The following GPM6A variants were observed in gnomAD, a reference collection of about 807,000 sequenced individuals.
GPM6A encodes the protein neuronal membrane glycoprotein M6-a.
Under a neutral mutation model 32.1 loss-of-function variants are expected in GPM6A, and 7 were observed. The observed-to-expected ratio is 0.22, with a 90% confidence interval of 0.12 to 0.41. The LOEUF (loss-of-function observed/expected upper bound fraction) is 0.41, where lower values mean the gene tolerates loss of function less well. Among genes scored for constraint, GPM6A ranks in the 10% least tolerant of loss-of-function variants. The pLI, the probability that GPM6A is intolerant of heterozygous loss-of-function variation, is 1.00. For missense variants in GPM6A, 235 were observed against 347.2 expected (o/e 0.68, Z 2.57); for synonymous variants, 130 against 123.4 (o/e 1.05, Z -0.35).
At chr4:175,937,605 A>G (rs559186687) in intron 1 of GPM6A, among the ~76,000 whole-genome samples, 16 of 152,280 alleles carry the variant, frequency 1.1e-4, no homozygotes, top group African/African-American at 3.8e-4. Context: ...GAAACCTTAA[A>G]GTATCCAGCA....
chr4:175,842,404 G>A (rs1735967087), intron 1 of GPM6A, among the ~76,000 whole-genome samples: 1 of 152,106 alleles, frequency 6.6e-6, no homozygotes, highest in African/African-American at 2.4e-5. Context: ...TGAGGTATTT[G>A]ATGCTCACAC....
intron 1 of GPM6A, among the ~76,000 whole-genome samples, chr4:175,719,119 T>TA (rs1324272723): frequency 1.3e-5 from 2 of 152,072 alleles, no homozygotes; most frequent in East Asian, 1.9e-4. Context: ...ATTCCAAATT[T>TA]AAAAAAACAT....
intron 1 of GPM6A, chr4:175,787,638 T>C (rs913021913): frequency 7.9e-7 from 1 of 1,272,442 alleles, no homozygotes; most frequent in Non-Finnish European, 1.0e-6. Context: ...ATTGCTTTAC[T>C]GACATAACTC....
chr4:175,924,354 T>C (rs529193834), intron 1 of GPM6A, among the ~76,000 whole-genome samples: 2 of 152,334 alleles, frequency 1.3e-5, no homozygotes, highest in Admixed American at 1.3e-4. Flanking sequence ...AATGCTTTGA[T>C]GCTCCTGCCA....
At chr4:175,671,247 A>G (rs1743045393) in intron 3 of GPM6A, among the ~76,000 whole-genome samples, 1 of 151,916 alleles carries the variant, frequency 6.6e-6, no homozygotes, top group African/African-American at 2.4e-5. Context: ...AGAAACAGGG[A>G]TAGAATAACA....
intron 1 of GPM6A, among the ~76,000 whole-genome samples, chr4:175,946,155 A>T (rs1224827714): frequency 1.3e-5 from 2 of 152,202 alleles, no homozygotes; most frequent in African/African-American, 4.8e-5. Flanking sequence ...TATAAAAATT[A>T]AAAAAATTAA....
chr4:175,950,397 A>G (rs1378100264), intron 1 of GPM6A, among the ~76,000 whole-genome samples: 1 of 152,222 alleles, frequency 6.6e-6, no homozygotes, highest in African/African-American at 2.4e-5. Flanking sequence ...AGCACATAAT[A>G]TGTTCTATAC....
chr4:175,867,948 A>T (rs1560971672), intron 1 of GPM6A, among the ~76,000 whole-genome samples: 1 of 152,004 alleles, frequency 6.6e-6, no homozygotes, highest in East Asian at 1.9e-4. Flanking sequence ...AAAATGGTTC[A>T]TTTTCCCCTC....
At chr4:175,849,462 A>G (rs1736186167) in intron 1 of GPM6A, among the ~76,000 whole-genome samples, 1 of 152,148 alleles carries the variant, frequency 6.6e-6, no homozygotes, top group East Asian at 1.9e-4. Flanking sequence ...GGATCATTTG[A>G]TGATCCACAC....
intron 1 of GPM6A, among the ~76,000 whole-genome samples, chr4:175,943,982 A>G (rs1739507102): frequency 1.3e-5 from 2 of 152,156 alleles, no homozygotes; most frequent in African/African-American, 2.4e-5. Flanking sequence ...TACCTCTGGT[A>G]GAATTCGGAT....
intron 1 of GPM6A, among the ~76,000 whole-genome samples, chr4:175,760,123 C>T (rs1240160491): frequency 2.6e-5 from 4 of 152,006 alleles, no homozygotes; most frequent in Admixed American, 6.6e-5. Flanking sequence ...TTGCAGTGAG[C>T]GGAGATCACT....
intron 4 of GPM6A, among the ~76,000 whole-genome samples, chr4:175,647,460 T>G (rs901151443): frequency 6.6e-6 from 1 of 152,206 alleles, no homozygotes; most frequent in African/African-American, 2.4e-5. Flanking sequence ...AATCCTAATA[T>G]GATATGCTAT....
chr4:175,658,825 T>C (rs560881609), intron 3 of GPM6A, among the ~76,000 whole-genome samples: 1 of 152,308 alleles, frequency 6.6e-6, no homozygotes, highest in Non-Finnish European at 1.5e-5. Flanking sequence ...GATCTAAGTG[T>C]TCACTGTGTG....
At chr4:175,723,117 A>G (rs1318456277) in intron 1 of GPM6A, among the ~76,000 whole-genome samples, 1 of 152,144 alleles carries the variant, frequency 6.6e-6, no homozygotes, top group Non-Finnish European at 1.5e-5. Context: ...TATGGCCTAC[A>G]CTTACTAATT....
chr4:175,895,968 T>G (rs1737783891), intron 1 of GPM6A, among the ~76,000 whole-genome samples: 1 of 152,214 alleles, frequency 6.6e-6, no homozygotes, highest in Admixed American at 6.5e-5. Flanking sequence ...TCTCTCCATC[T>G]GTGGCCTTTT....
intron 1 of GPM6A, among the ~76,000 whole-genome samples, chr4:175,845,790 G>T (rs1373738953): frequency 1.3e-5 from 2 of 151,884 alleles, no homozygotes; most frequent in Non-Finnish European, 2.9e-5. Context: ...TTTTAGTATT[G>T]TCAAGACAAT....
chr4:175,646,950 C>G (rs1179625327), intron 4 of GPM6A, among the ~76,000 whole-genome samples: 2 of 152,200 alleles, frequency 1.3e-5, no homozygotes, highest in Non-Finnish European at 1.5e-5. Context: ...GGCTGCAGTG[C>G]CTGAAAAAGC....
chr4:175,844,433 C>G (rs910125625), intron 1 of GPM6A, among the ~76,000 whole-genome samples: 1 of 152,104 alleles, frequency 6.6e-6, no homozygotes, highest in Admixed American at 6.6e-5. Flanking sequence ...GACATGGTTC[C>G]TTGTCACTGT....
At chr4:175,790,841 G>C (rs1039240690) in intron 1 of GPM6A, among the ~76,000 whole-genome samples, 2 of 151,804 alleles carry the variant, frequency 1.3e-5, no homozygotes, top group African/African-American at 4.8e-5. Flanking sequence ...TTTTAGGGAG[G>C]AAAAAAAGAG....
Sources: gnomAD v4.1 joint callset for allele counts (sites outside exome capture counted in the v4.1 genomes callset) on GRCh38, gnomAD v4.1.1 for gene constraint, MANE v1.5 for transcripts, NCBI Gene and HGNC (gene_info 2026-07-23, HGNC 2026-07-21) for gene names.